Variants in RSPRY1 observed in about 807,000 individuals in gnomAD.
RSPRY1 encodes the protein RING finger and SPRY domain-containing protein 1.
A neutral mutation model predicts 73.1 loss-of-function variants in RSPRY1; 23 were observed. The observed-to-expected ratio is 0.31, with a 90% CI of 0.23 to 0.45. The LOEUF (loss-of-function observed/expected upper bound fraction) is 0.45. Among genes scored for constraint, RSPRY1 ranks in the 20% least tolerant of loss-of-function variants. The pLI, the probability that RSPRY1 is intolerant of heterozygous loss-of-function variation, is 1.00. For synonymous variants in RSPRY1, 226 were observed against 251.4 expected (o/e 0.90, Z 0.95); for missense variants, 448 against 698.7 (o/e 0.64, Z 4.05).
chr16:57,214,630 AT>A (rs1351674321), intron 6 of RSPRY1, among the ~76,000 whole-genome samples: 2 of 152,258 alleles, frequency 1.3e-5, no homozygotes, highest in Non-Finnish European at 2.9e-5. Context: ...CAGTCCTATG[AT>A]TTCAAGAGGT....
chr16:57,216,380 C>T (rs1462030074), intron 7 of RSPRY1: 1 of 494,858 alleles, frequency 2.0e-6, no homozygotes, highest in African/African-American at 2.0e-5. Flanking sequence ...ACTTGGTAAC[C>T]ATGTTTACTC....
At position 57,231,291 on chromosome 16, in the gene RSPRY1, A is replaced by G; in HGVS notation, c.1501A>G (p.Thr501Ala). 6.2e-7 allele frequency: 1 copy of G among 1,613,186 alleles called. No individual in the cohort carries two copies. The highest frequency in any genetic ancestry group is 8.5e-7 in the Non-Finnish European group (1 of 1,179,706). ...FSTFNDYAFL[T>A]AEEKIILPRH... ...CACTTTTAATGACTACGCCTTCCTA[A>G]CAGCTGAAGAAAAAATCATTTTGCC... Residue 501 changes from threonine (T) to alanine (A), a missense_variant, in exon 13 of 15, where the codon ACA (threonine) becomes GCA (alanine). By Grantham distance (58) the Thr-to-Ala change is moderately conservative. Transcript: ENST00000394420.
intron 4 of RSPRY1, among the ~76,000 whole-genome samples, chr16:57,209,656 T>C (rs1359228270): frequency 6.6e-6 from 1 of 152,016 alleles, no homozygotes; most frequent in African/African-American, 2.4e-5. Flanking sequence ...CATGAGCCAC[T>C]GCACCCAGCC....
intron 11 of RSPRY1, among the ~76,000 whole-genome samples, chr16:57,229,144 T>G (rs1343688665): frequency 2.0e-5 from 3 of 152,368 alleles, no homozygotes; most frequent in Admixed American, 1.3e-4. Context: ...GACAAAACCC[T>G]TAGAAGTGAA....
At chr16:57,201,645 C>G (rs111511081) in intron 1 of RSPRY1, among the ~76,000 whole-genome samples, 19 of 152,370 alleles carry the variant, frequency 1.2e-4, no homozygotes, top group African/African-American at 4.6e-4. Flanking sequence ...CGAGATCACG[C>G]CACTGCACTC....
intron 3 of RSPRY1, among the ~76,000 whole-genome samples, 193 bp downstream of exon 3, chr16:57,208,303 T>C (rs909428025): frequency 9.4e-6 from 1 of 106,250 alleles, no homozygotes; most frequent in Non-Finnish European, 1.8e-5. Context: ...ATATTATACC[T>C]TTTTTTTTTT....
intron 8 of RSPRY1, chr16:57,220,385 G>A (rs2075015317): frequency 6.0e-6 from 1 of 167,850 alleles, no homozygotes; most frequent in Admixed American, 5.8e-5. Flanking sequence ...GTTATTCCTA[G>A]GTATCTTATT....
intron 1 of RSPRY1, among the ~76,000 whole-genome samples, chr16:57,200,968 C>T (rs1187227739): frequency 3.6e-5 from 5 of 138,676 alleles, no homozygotes; most frequent in African/African-American, 1.3e-4. Flanking sequence ...GGGGCTGACC[C>T]CCCCACCTCC....
intron 10 of RSPRY1, among the ~76,000 whole-genome samples, chr16:57,224,080 G>A (rs1162310034): frequency 1.3e-5 from 2 of 152,200 alleles, no homozygotes; most frequent in South Asian, 2.1e-4. Context: ...AAGCCTTTCC[G>A]GAGCCTCCAG....
At chr16:57,227,487 G>T (rs778277150) in intron 11 of RSPRY1, 34 bp downstream of exon 11, 1 of 1,455,084 alleles carries the variant, frequency 6.9e-7, no homozygotes, top group South Asian at 1.1e-5. Flanking sequence ...TTTATCAAGT[G>T]GGTTAAGACA....
intron 1 of RSPRY1, among the ~76,000 whole-genome samples, chr16:57,203,999 T>C (rs1288493793): frequency 6.6e-6 from 1 of 152,244 alleles, no homozygotes; most frequent in Non-Finnish European, 1.5e-5. Flanking sequence ...TGCTATCATA[T>C]TTGTATCATA....
chr16:57,194,539 C>T (rs1449356636), intron 1 of RSPRY1, among the ~76,000 whole-genome samples: 2 of 152,040 alleles, frequency 1.3e-5, no homozygotes, highest in East Asian at 1.9e-4. Flanking sequence ...ACACATTTTG[C>T]TATTCATGCT....
Position 57,235,153 on chromosome 16 carries a change from T to G in RSPRY1, c.1559T>G (p.Val520Gly). Residue 520 changes from valine to glycine, a missense_variant, in exon 14 of 15, where the codon GTC becomes GGC. By Grantham distance (109) the Val-to-Gly change is moderately radical. Coordinates refer to ENST00000394420, the MANE Select transcript of RSPRY1 (RefSeq NM_133368.3). ...RHRRLALLKQ[V>G]SIRENCCSLC... ...AGGCGTCTTGCTCTGTTGAAGCAAG[T>G]CAGTATCCGAGAAAACTGCTGTTCC... The G allele has an allele frequency of 1.2e-6, 2 of 1,614,182 alleles. No homozygotes were observed. The highest frequency in any genetic ancestry group is 1.7e-6 in the Non-Finnish European group (2 of 1,180,008).
chr16:57,229,311 C>T (rs2075169759), intron 11 of RSPRY1, among the ~76,000 whole-genome samples: 1 of 152,118 alleles, frequency 6.6e-6, no homozygotes, highest in South Asian at 2.1e-4. Flanking sequence ...TCTTTCAAAA[C>T]CAAAATTGGG....
intron 4 of RSPRY1, among the ~76,000 whole-genome samples, chr16:57,210,337 C>T (rs1176791918): frequency 6.6e-6 from 1 of 152,146 alleles, no homozygotes; most frequent in Non-Finnish European, 1.5e-5. Flanking sequence ...ACCTTGGCTT[C>T]TCAAAGTGTT....
At position 57,239,176 on chromosome 16, in the gene RSPRY1, C is replaced by G. The variant is rs1331422253; in HGVS notation, c.*201C>G. 9.3e-6 allele frequency: 3 copies of G among 323,434 alleles called. No individual in the cohort carries two copies. The highest frequency in any genetic ancestry group is 6.5e-5 in the African/African-American group (3 of 45,904). 20.0% of individuals were successfully genotyped at this position (323,434 alleles called of 1,614,324 possible). A position where few individuals can be genotyped will look rare whatever the true frequency, so the allele number is the denominator to read the frequency against. ...CAACTTGCCAGCCCTGAGAAAATCC[C>G]TTTTAAGGCCAAGGAAAGCTGAATG... On this transcript the variant is annotated 3_prime_UTR_variant, in exon 15 of 15. Coordinates refer to ENST00000394420, the MANE Select transcript of RSPRY1 (RefSeq NM_133368.3).
intron 2 of RSPRY1, among the ~76,000 whole-genome samples, chr16:57,205,868 A>T (rs1265325098): frequency 6.6e-6 from 1 of 152,226 alleles, no homozygotes; most frequent in Non-Finnish European, 1.5e-5. Context: ...CTTTGTACTT[A>T]ACAGTTGCTC....
intron 11 of RSPRY1, 92 bp downstream of exon 11, chr16:57,227,545 G>A (rs1262607120): frequency 1.2e-6 from 1 of 861,868 alleles, no homozygotes; most frequent in African/African-American, 1.7e-5. Context: ...AAATGTCTTA[G>A]GAGAAGATCA....
chr16:57,234,146 C>G (rs530955304), intron 13 of RSPRY1, among the ~76,000 whole-genome samples: 17 of 152,274 alleles, frequency 1.1e-4, no homozygotes, highest in African/African-American at 3.9e-4. Flanking sequence ...CTTCAGCCAC[C>G]CTGGCCTCCT....
Sources: allele counts gnomAD v4.1 joint callset (sites outside exome capture counted in the v4.1 genomes callset), GRCh38; gene constraint gnomAD v4.1.1; transcripts MANE v1.5; gene names NCBI Gene and HGNC (gene_info 2026-07-23, HGNC 2026-07-21).